PDE11A: variants seen among roughly 807,000 people sequenced by gnomAD.
PDE11A encodes phosphodiesterase 11A, also known as dual 3',5'-cyclic-AMP and -GMP phosphodiesterase 11A.
Under a neutral mutation model 100.5 loss-of-function variants are expected in PDE11A, and 100 were observed. That is an observed-to-expected ratio of 1.00 (90% CI 0.85 to 1.18). The LOEUF is 1.18. PDE11A is among the 50% of genes most tolerant of loss of function. PDE11A has a pLI of 0.00. For missense variants in PDE11A, 1,141 were observed against 1,152.6 expected (o/e 0.99, Z 0.15); for synonymous variants, 381 against 420.8 (o/e 0.91, Z 1.16).
At chr2:177,649,102 T>C (rs901269136) in intron 19 of PDE11A, among the ~76,000 whole-genome samples, 3 of 152,094 alleles carry the variant, frequency 2.0e-5, no homozygotes, top group Non-Finnish European at 4.4e-5. Flanking sequence ...ATTAGCAAAA[T>C]TGAAATTTGG....
chr2:177,965,359 A>C (rs1047101364), intron 2 of PDE11A, among the ~76,000 whole-genome samples: 1 of 151,996 alleles, frequency 6.6e-6, no homozygotes, highest in East Asian at 1.9e-4. Flanking sequence ...GCTGTGGAGA[A>C]GCTCCTTAAT....
At chr2:178,027,558 C>T (rs2086493173) in intron 1 of PDE11A, among the ~76,000 whole-genome samples, 1 of 152,190 alleles carries the variant, frequency 6.6e-6, no homozygotes, top group Non-Finnish European at 1.5e-5. Context: ...AAAACCATAG[C>T]ATCCTATACT....
intron 16 of PDE11A, among the ~76,000 whole-genome samples, chr2:177,676,294 A>G (rs2080772644): frequency 6.6e-6 from 1 of 152,218 alleles, no homozygotes; most frequent in Non-Finnish European, 1.5e-5. Context: ...AAAATAAGGC[A>G]CACTCTGTCC....
intron 1 of PDE11A, among the ~76,000 whole-genome samples, chr2:178,052,585 T>G (rs1224035130): frequency 1.3e-5 from 2 of 152,146 alleles, no homozygotes; most frequent in Non-Finnish European, 2.9e-5. Flanking sequence ...GCTGGTTTTT[T>G]GAAAAGATCA....
chr2:177,879,354 G>A (rs1269101705), intron 4 of PDE11A, among the ~76,000 whole-genome samples: 1 of 152,184 alleles, frequency 6.6e-6, no homozygotes, highest in Admixed American at 6.5e-5. Context: ...TTTTTGATGA[G>A]TTAAACAAAT....
At position 177,706,145 on chromosome 2, in the gene PDE11A, T is replaced by G. The variant is rs80030429; in HGVS notation, c.2154-4934A>C. Reference sequence around the variant, plus strand: ...GCGAAGGATCACTTGTCAGAAAGGCTAAGAGAATAAATCAAATTGTGCTCT... The same window carrying G: ...GCGAAGGATCACTTGTCAGAAAGGCGAAGAGAATAAATCAAATTGTGCTCT... On this transcript the variant is annotated intron_variant, in intron 13 of 19. Coordinates refer to ENST00000286063, the MANE Select transcript of PDE11A (RefSeq NM_016953.4). 2.5e-3 allele frequency among the ~76,000 whole-genome samples: 384 copies of G among 152,340 alleles called. 1 individual carries two copies. Among genetic ancestry groups the G allele is most frequent in the East Asian group, 0.013 (69 of 5,188 alleles).
intron 15 of PDE11A, among the ~76,000 whole-genome samples, chr2:177,691,404 C>A (rs2081038742): frequency 6.6e-6 from 1 of 152,194 alleles, no homozygotes; most frequent in South Asian, 2.1e-4. Context: ...CTGGCATTAG[C>A]TGAATTGCTA....
intron 2 of PDE11A, among the ~76,000 whole-genome samples, chr2:178,085,515 A>G (rs2087338817): frequency 6.7e-6 from 1 of 148,604 alleles, no homozygotes; most frequent in Admixed American, 7.0e-5. Context: ...CATGTACCCT[A>G]TGTACCTAAA....
intron 2 of PDE11A, among the ~76,000 whole-genome samples, chr2:177,945,548 G>A (rs1194947716): frequency 1.3e-5 from 2 of 149,038 alleles, no homozygotes; most frequent in African/African-American, 2.5e-5. Flanking sequence ...CTGCCCAGCC[G>A]CCCCGTCTGA....
At chr2:177,911,886 A>G (rs2084886320) in intron 2 of PDE11A, among the ~76,000 whole-genome samples, 1 of 148,786 alleles carries the variant, frequency 6.7e-6, no homozygotes, top group Non-Finnish European at 1.5e-5. Flanking sequence ...TCCATCTCCA[A>G]AAAAAAAAAA....
At chr2:177,746,828 A>G (rs1251974016) in intron 10 of PDE11A, among the ~76,000 whole-genome samples, 1 of 152,250 alleles carries the variant, frequency 6.6e-6, no homozygotes, top group Non-Finnish European at 1.5e-5. Flanking sequence ...AAAGATGGTG[A>G]GAATGAAACT....
intron 2 of PDE11A, among the ~76,000 whole-genome samples, chr2:178,078,801 A>T (rs1160134755): frequency 6.6e-6 from 1 of 152,198 alleles, no homozygotes; most frequent in Non-Finnish European, 1.5e-5. Flanking sequence ...AATCTTCATA[A>T]ACGTAACTTT....
At chr2:177,787,980 G>A (rs376765353) in intron 9 of PDE11A, among the ~76,000 whole-genome samples, 1 of 151,956 alleles carries the variant, frequency 6.6e-6, no homozygotes, top group Non-Finnish European at 1.5e-5. Flanking sequence ...ACAGATCAAT[G>A]AGACAGAAAG....
intron 1 of PDE11A, chr2:178,018,374 C>CACACTTGACTTTAACTTGGA: frequency 2.0e-6 from 1 of 488,332 alleles, no homozygotes; most frequent in Admixed American, 2.1e-5. Context: ...GGCCTTTTGG[C>CACACTTGACTTTAACTTGGA]ACACTTGACT....
chr2:177,887,436 C>T (rs16865903), intron 4 of PDE11A, among the ~76,000 whole-genome samples: 3,420 of 145,050 alleles, frequency 0.024, 62 homozygotes, highest in East Asian at 0.08. Flanking sequence ...TAGGAAACGT[C>T]GGCTGGACAA....
At chr2:177,643,647 A>C (rs563866089) in intron 19 of PDE11A, among the ~76,000 whole-genome samples, 1 of 152,360 alleles carries the variant, frequency 6.6e-6, no homozygotes, top group South Asian at 2.1e-4. Flanking sequence ...AGAAACTTGC[A>C]TAAGTAATGA....
intron 2 of PDE11A, among the ~76,000 whole-genome samples, chr2:178,079,125 G>A (rs114419680): frequency 0.012 from 1,825 of 152,288 alleles, 32 homozygotes; most frequent in East Asian, 0.072. Flanking sequence ...AAGCTGGAGG[G>A]AAAAATTCAA....
At chr2:178,081,036 C>T (rs952513688) in intron 2 of PDE11A, among the ~76,000 whole-genome samples, 2 of 152,000 alleles carry the variant, frequency 1.3e-5, no homozygotes, top group African/African-American at 4.8e-5. Flanking sequence ...CTTTGAGAAA[C>T]CATGAATCTG....
intron 2 of PDE11A, among the ~76,000 whole-genome samples, chr2:178,002,132 A>G (rs2086152506): frequency 6.6e-6 from 1 of 152,052 alleles, no homozygotes; most frequent in African/African-American, 2.4e-5. Flanking sequence ...TGATCAACCA[A>G]TGTGTAGCTC....
Sources: allele counts gnomAD v4.1 joint callset (sites outside exome capture counted in the v4.1 genomes callset), GRCh38; gene constraint gnomAD v4.1.1; transcripts MANE v1.5; gene names NCBI Gene and HGNC (gene_info 2026-07-23, HGNC 2026-07-21).